Variants in ABI3BP observed in about 807,000 individuals in gnomAD.
The protein encoded by ABI3BP is target of Nesh-SH3.
In ABI3BP, 216 loss-of-function variants were observed where a neutral mutation model predicts 268.6. The observed-to-expected ratio is 0.80, with a 90% confidence interval of 0.72 to 0.90. The LOEUF (loss-of-function observed/expected upper bound fraction) is 0.90. Ranked by LOEUF, ABI3BP falls within the 40% of genes least tolerant of loss-of-function variation. ABI3BP has a pLI of 0.00. For missense variants in ABI3BP, 2,090 were observed against 2,182.4 expected, an observed-to-expected ratio of 0.96 and a Z score of 0.84; for synonymous variants, 730 against 730.0, an observed-to-expected ratio of 1.00 and a Z score of 0.00.
At chr3:100,905,988 C>T (rs1029778615) in intron 2 of ABI3BP, among the ~76,000 whole-genome samples, 1 of 152,084 alleles carries the variant, frequency 6.6e-6, no homozygotes, top group African/African-American at 2.4e-5. Flanking sequence ...GTTCTTGGCC[C>T]TGCAAGTTAT....
intron 2 of ABI3BP, among the ~76,000 whole-genome samples, chr3:100,907,651 A>C (rs1161819863): frequency 2.0e-5 from 3 of 152,206 alleles, no homozygotes; most frequent in Non-Finnish European, 2.9e-5. Context: ...CAAGCATCAC[A>C]AGTTCCAAAA....
intron 2 of ABI3BP, 104 bp from the exon 3 acceptor site, chr3:100,902,790 C>A: frequency 1.1e-6 from 1 of 912,966 alleles, no homozygotes; most frequent in Non-Finnish European, 1.7e-6. Context: ...TCCTCCATAA[C>A]CGCAGCTCCA....
At chr3:100,918,181 A>T (rs1204367033) in intron 2 of ABI3BP, among the ~76,000 whole-genome samples, 1 of 152,144 alleles carries the variant, frequency 6.6e-6, no homozygotes, top group Admixed American at 6.5e-5. Flanking sequence ...GACATTTTGA[A>T]AATAATTTTA....
At chr3:100,885,479 C>T in intron 6 of ABI3BP, 57 bp downstream of exon 6, 1 of 1,021,096 alleles carries the variant, frequency 9.8e-7, no homozygotes, top group Middle Eastern at 2.2e-4. Flanking sequence ...AGACTATTTC[C>T]TTAACAATGC....
rs752006383 is a variant in ABI3BP, at chr3:100,835,612, A to T, written c.2180T>A (p.Val727Glu). The part of the protein sequence containing the change: ...EPVTVRTEAT[V>E]TTLAPKTSQR... ...TAAGAGGTCATTACCTAATGTTGTCACTGTAGCCTCAGTTCTCACAGTTAC... is the reference window on the plus strand; with the variant it reads ...TAAGAGGTCATTACCTAATGTTGTCTCTGTAGCCTCAGTTCTCACAGTTAC... The change falls in exon 28 of 68, where the codon GTG (valine) becomes GAG (glutamate). Residue 727 changes from valine (V) to glutamate (E), a missense_variant. Coordinates refer to ENST00000471714, the MANE Select transcript of ABI3BP (RefSeq NM_001375547.2). 8.5e-6 allele frequency: 13 copies of T among 1,535,074 alleles called. No homozygotes were observed. The East Asian group carries it at 2.9e-4, about 35-fold the overall frequency.
chr3:100,905,836 A>G (rs905249015), intron 2 of ABI3BP, among the ~76,000 whole-genome samples: 3 of 152,172 alleles, frequency 2.0e-5, no homozygotes, highest in African/African-American at 7.2e-5. Flanking sequence ...TTCTTTACTA[A>G]GACATCAAAT....
At chr3:100,826,756 G>A (rs973859973) in intron 34 of ABI3BP, among the ~76,000 whole-genome samples, 4 of 152,086 alleles carry the variant, frequency 2.6e-5, no homozygotes, top group African/African-American at 9.7e-5. Flanking sequence ...TGGGTAAGGG[G>A]TGGCCACTCA....
At chr3:100,842,189 C>A in intron 20 of ABI3BP, 150 bp from the exon 21 acceptor site, 3 of 630,584 alleles carry the variant, frequency 4.8e-6, no homozygotes, top group Middle Eastern at 2.5e-4. Flanking sequence ...CTTCCACATC[C>A]TCTCTACAAA....
At chr3:100,923,652 A>T (rs2060942564) in intron 2 of ABI3BP, among the ~76,000 whole-genome samples, 1 of 152,228 alleles carries the variant, frequency 6.6e-6, no homozygotes, top group Non-Finnish European at 1.5e-5. Context: ...TCTTATTGAA[A>T]GTAACGGCAA....
intron 62 of ABI3BP, among the ~76,000 whole-genome samples, chr3:100,766,252 C>T (rs2096265031): frequency 6.6e-6 from 1 of 152,180 alleles, no homozygotes; most frequent in African/African-American, 2.4e-5. Flanking sequence ...GATACATAGC[C>T]TTTGATTTTG....
At chr3:100,977,507 G>C (rs1335173251) in intron 1 of ABI3BP, among the ~76,000 whole-genome samples, 1 of 152,180 alleles carries the variant, frequency 6.6e-6, no homozygotes, top group African/African-American at 2.4e-5. Context: ...TAGCAAATTT[G>C]TGCTGGATAT....
At chr3:100,857,569 T>C (rs1358667398) in intron 14 of ABI3BP, among the ~76,000 whole-genome samples, 1 of 152,180 alleles carries the variant, frequency 6.6e-6, no homozygotes, top group Non-Finnish European at 1.5e-5. Flanking sequence ...TGATGTTTCT[T>C]ATACACCATA....
chr3:100,793,114 C>T (rs2097247699), intron 54 of ABI3BP, among the ~76,000 whole-genome samples: 2 of 151,740 alleles, frequency 1.3e-5, no homozygotes, highest in Admixed American at 6.6e-5. Context: ...ATGTTTCTTT[C>T]CTGCCCATAA....
intron 9 of ABI3BP, among the ~76,000 whole-genome samples, chr3:100,872,554 G>A (rs1581373550): frequency 6.6e-6 from 1 of 152,146 alleles, no homozygotes; most frequent in Non-Finnish European, 1.5e-5. Context: ...CTGCAGTTTT[G>A]ATGGTAACAT....
intron 1 of ABI3BP, among the ~76,000 whole-genome samples, chr3:100,969,386 A>G (rs1028455598): frequency 6.6e-6 from 1 of 152,194 alleles, no homozygotes; most frequent in African/African-American, 2.4e-5. Flanking sequence ...CTGCCTACCA[A>G]TCCGGCCCCA....
chr3:100,944,077 T>C (rs2070905548), intron 1 of ABI3BP, among the ~76,000 whole-genome samples: 1 of 152,074 alleles, frequency 6.6e-6, no homozygotes, highest in Non-Finnish European at 1.5e-5. Context: ...ACACTGATAC[T>C]CAAGGTCTCT....
At chr3:100,811,392 T>G (rs2097858072) in intron 47 of ABI3BP, 115 bp from the exon 48 acceptor site, 1 of 767,904 alleles carries the variant, frequency 1.3e-6, no homozygotes, top group Admixed American at 2.7e-5. Context: ...GACAGGACAA[T>G]GGATTTAGAC....
chr3:100,752,608 G>A (rs41272981), intron 66 of ABI3BP, 179 bp downstream of exon 66: 7,989 of 593,126 alleles, frequency 0.013, 79 homozygotes, highest in Non-Finnish European at 0.018. Context: ...CTAATAGCAT[G>A]TCTTAAATCC....
At chr3:100,830,857 C>T (rs1360535859) in intron 31 of ABI3BP, among the ~76,000 whole-genome samples, 5 of 152,220 alleles carry the variant, frequency 3.3e-5, no homozygotes, top group Admixed American at 1.3e-4. Flanking sequence ...CTTTGGACTT[C>T]GCTGAGCATC....
Sources: allele counts gnomAD v4.1 joint callset (sites outside exome capture counted in the v4.1 genomes callset), GRCh38; gene constraint gnomAD v4.1.1; transcripts MANE v1.5; gene names NCBI Gene and HGNC (gene_info 2026-07-23, HGNC 2026-07-21).